PRKAR1A: variants seen among roughly 807,000 people sequenced by gnomAD.
The protein encoded by PRKAR1A is cAMP-dependent protein kinase type I-alpha regulatory subunit.
In PRKAR1A, 3 loss-of-function variants were observed where a neutral mutation model predicts 52.0. That is an observed-to-expected ratio of 0.06 (90% CI 0.03 to 0.15). The LOEUF is 0.15. Ranked by LOEUF, PRKAR1A falls within the 10% of genes least tolerant of loss-of-function variation. The pLI, the probability that PRKAR1A is intolerant of heterozygous loss-of-function variation, is 1.00. For missense variants in PRKAR1A, 240 were observed against 477.4 expected, an observed-to-expected ratio of 0.50 and a Z score of 4.63; for synonymous variants, 188 against 168.4, an observed-to-expected ratio of 1.12 and a Z score of -0.90.
In PRKAR1A at chr17:68,512,454, CAG is replaced by C. The variant is rs1361074284; in HGVS notation, c.-98_-97del. ...TGGAGCTGTCGCCTAGCCGCTATCGCAGAGTGGAGCGGGGCTGGGAGCAAAGC... is the reference window on the plus strand; with the variant it reads ...TGGAGCTGTCGCCTAGCCGCTATCGCAGTGGAGCGGGGCTGGGAGCAAAGC... On this transcript the variant is annotated 5_prime_UTR_variant, in exon 1 of 11. Transcript: ENST00000589228. 3 of 153,232 alleles carry C rather than the reference CAG, an allele frequency of 2.0e-5. No individual in the cohort carries two copies. The highest frequency in any genetic ancestry group is 7.2e-5 in the African/African-American group (3 of 41,456). The allele number at this position is 153,232 out of a possible 1,614,324, so 9.5% of individuals were successfully genotyped here. A position where few individuals can be genotyped will look rare whatever the true frequency, so the allele number is the denominator to read the frequency against.
At chr17:68,431,556 G>A in the PRKAR1A span, among the ~76,000 whole-genome samples, 3 of 152,158 alleles carry the variant, frequency 2.0e-5, no homozygotes, top group Non-Finnish European at 2.9e-5. Flanking sequence ...GAGGTGTCAT[G>A]TTCAAAGGGA....
At chr17:68,506,905 G>A (rs143431221), upstream of PRKAR1A, among the ~76,000 whole-genome samples, 16 of 152,270 alleles carry the variant, frequency 1.1e-4, no homozygotes, top group East Asian at 3.1e-3. Context: ...TTCTAAACTT[G>A]GAGTCCATAC....
At chr17:68,510,286 C>A (rs1261064384), upstream of PRKAR1A, among the ~76,000 whole-genome samples, 2 of 152,040 alleles carry the variant, frequency 1.3e-5, no homozygotes, top group East Asian at 3.9e-4. Flanking sequence ...CACTTAACTT[C>A]TCCATGTCTC....
At chr17:68,551,116 C>T (rs2086815177) in exon 12 of PRKAR1A, 2 of 1,234,230 alleles carry the variant, frequency 1.6e-6, no homozygotes, top group Admixed American at 4.2e-5. Context: ...GAGCATTCCC[C>T]TGGGCTAAGG....
chr17:68,486,523 T>TCCC, the PRKAR1A span, among the ~76,000 whole-genome samples: 999 of 100,188 alleles, frequency 1.0e-2, 12 homozygotes, highest in Non-Finnish European at 0.017. Context: ...CTTTCTTTCT[T>TCCC]TCTTTCTTTC....
chr17:68,530,182 G>A (rs2085932025), intron 10 of PRKAR1A, 95 bp from the exon 11 acceptor site: 7 of 1,528,640 alleles, frequency 4.6e-6, no homozygotes, highest in Non-Finnish European at 6.3e-6. Context: ...ATTACTGATT[G>A]TCTCATATCT....
chr17:68,519,673 A>G (rs554083280), intron 2 of PRKAR1A, among the ~76,000 whole-genome samples: 1 of 151,940 alleles, frequency 6.6e-6, no homozygotes, highest in East Asian at 2.0e-4. Flanking sequence ...TCCATAAGAA[A>G]TGTACCAAAA....
intron 7 of PRKAR1A, 75 bp from the exon 8 acceptor site, chr17:68,527,765 A>G (rs1431935280): frequency 8.0e-7 from 1 of 1,246,306 alleles, no homozygotes; most frequent in East Asian, 2.3e-5. Context: ...GAAACTTAAT[A>G]TTTATTATTC....
At chr17:68,414,338 T>G in the PRKAR1A span, among the ~76,000 whole-genome samples, 1 of 152,222 alleles carries the variant, frequency 6.6e-6, no homozygotes, top group African/African-American at 2.4e-5. Context: ...ATCACATTTA[T>G]TGGTATATGT....
upstream of PRKAR1A, among the ~76,000 whole-genome samples, chr17:68,507,580 A>G (rs937127012): frequency 2.2e-4 from 34 of 152,198 alleles, no homozygotes; most frequent in African/African-American, 8.0e-4. Context: ...GCAAACCACC[A>G]TGGCACACGT....
chr17:68,442,704 T>TA, the PRKAR1A span, among the ~76,000 whole-genome samples: 1 of 152,180 alleles, frequency 6.6e-6, no homozygotes, highest in African/African-American at 2.4e-5. Flanking sequence ...CCTCAAGCTC[T>TA]ATGCAGATTC....
In PRKAR1A at chr17:68,547,019, T is replaced by A. The variant is rs181652136; in HGVS notation, c.974-4065T>A. Among the ~76,000 whole-genome samples, 7 of 151,984 alleles carry A rather than the reference T, an allele frequency of 4.6e-5. No homozygotes were observed. The East Asian group carries it at 1.4e-3, about 29-fold the overall frequency. Reference sequence around the variant, plus strand: ...ATATTTTGAAAGGAATCTTTTTTTTTTTCTTTTTCCCCTGAGCAGTAAGGT... The same window carrying A: ...ATATTTTGAAAGGAATCTTTTTTTTATTCTTTTTCCCCTGAGCAGTAAGGT... On this transcript the variant is annotated intron_variant, in intron 11 of 11. Transcript: ENST00000585981.
downstream of PRKAR1A, chr17:68,536,152 C>T (rs1268686525): frequency 1.8e-5 from 8 of 453,986 alleles, no homozygotes; most frequent in African/African-American, 1.0e-4. Flanking sequence ...TTTGTCCAGT[C>T]GAGGCTATCT....
the PRKAR1A span, among the ~76,000 whole-genome samples, chr17:68,440,171 A>AATCC: frequency 6.6e-6 from 1 of 152,192 alleles, no homozygotes; most frequent in Admixed American, 6.5e-5. Context: ...CACCTCTACC[A>AATCC]ATCCATCTGA....
chr17:68,536,102 A>G (rs879942743), downstream of PRKAR1A: 1 of 454,014 alleles, frequency 2.2e-6, no homozygotes. Flanking sequence ...CAGGGGCAGC[A>G]TACCAGTCAT....
chr17:68,488,777 T>A, the PRKAR1A span, among the ~76,000 whole-genome samples: 1 of 144,662 alleles, frequency 6.9e-6, no homozygotes. Context: ...GGCTTCTCCA[T>A]CATTCCTTTC....
the PRKAR1A span, among the ~76,000 whole-genome samples, chr17:68,436,650 A>G: frequency 1.3e-5 from 2 of 152,196 alleles, no homozygotes; most frequent in South Asian, 4.1e-4. Context: ...GGCTTCCAAT[A>G]AAGCAACTTC....
At chr17:68,419,530 T>C in the PRKAR1A span, among the ~76,000 whole-genome samples, 1 of 152,164 alleles carries the variant, frequency 6.6e-6, no homozygotes, top group Admixed American at 6.5e-5. Context: ...GAGCTGAAGA[T>C]TGTGCCATTG....
rs74386894 is a variant in PRKAR1A, at chr17:68,541,249, C to T, written c.974-9835C>T. 415 of 424,256 alleles carry T rather than the reference C, an allele frequency of 9.8e-4. 2 individuals are homozygous for T. The Admixed American group carries it at 0.011, about 11-fold the overall frequency. 26.3% of individuals were successfully genotyped at this position (424,256 alleles called of 1,614,324 possible). On this transcript the variant is annotated intron_variant, in intron 11 of 11. Coordinates refer to the PRKAR1A transcript ENST00000585981. ...GGCAGGAAAGGAGGAGGTAGTGACCCTCACCTGCTTCCTCGTCCCTCCACA... is the reference window on the plus strand; with the variant it reads ...GGCAGGAAAGGAGGAGGTAGTGACCTTCACCTGCTTCCTCGTCCCTCCACA...
Sources: allele counts gnomAD v4.1 joint callset (sites outside exome capture counted in the v4.1 genomes callset), GRCh38; gene constraint gnomAD v4.1.1; transcripts MANE v1.5; gene names NCBI Gene and HGNC (gene_info 2026-07-23, HGNC 2026-07-21).